Variants in PARVB observed in about 807,000 individuals in gnomAD.
PARVB encodes beta-parvin.
Under a neutral mutation model 47.0 loss-of-function variants are expected in PARVB, and 46 were observed. The observed-to-expected ratio is 0.98, with a 90% CI of 0.77 to 1.25. The LOEUF (loss-of-function observed/expected upper bound fraction) is 1.25. Ranked by LOEUF, PARVB falls within the 50% of genes most tolerant of loss-of-function variation. PARVB has a pLI of 0.00. For missense variants in PARVB, 473 were observed against 471.6 expected (o/e 1.00, Z -0.03); for synonymous variants, 196 against 196.3 (o/e 1.00, Z 0.01).
chr22:44,154,829 G>A (rs1323164453), intron 10 of PARVB, among the ~76,000 whole-genome samples: 1 of 146,844 alleles, frequency 6.8e-6, no homozygotes, highest in Admixed American at 6.8e-5. Context: ...TCTGTGTGGT[G>A]TGTGTTGTGT....
chr22:44,095,647 G>T (rs949178579), intron 2 of PARVB, among the ~76,000 whole-genome samples: 1 of 152,246 alleles, frequency 6.6e-6, no homozygotes, highest in Non-Finnish European at 1.5e-5. Flanking sequence ...ACTGCCTGAT[G>T]TAATGGGTAA....
chr22:44,081,981 A>G (rs1263412286), intron 1 of PARVB, among the ~76,000 whole-genome samples: 1 of 152,240 alleles, frequency 6.6e-6, no homozygotes, highest in Non-Finnish European at 1.5e-5. Flanking sequence ...TCTGAAAATC[A>G]CAGAGGCAGA....
intron 1 of PARVB, among the ~76,000 whole-genome samples, chr22:44,078,520 T>C (rs1471737746): frequency 6.6e-6 from 1 of 152,180 alleles, no homozygotes; most frequent in East Asian, 1.9e-4. Flanking sequence ...CTGCTTCCTC[T>C]TGTAAGGACC....
intron 5 of PARVB, among the ~76,000 whole-genome samples, chr22:44,132,290 C>A (rs951869751): frequency 4.6e-5 from 7 of 152,216 alleles, no homozygotes; most frequent in Non-Finnish European, 1.0e-4. Context: ...CAGACCCAGG[C>A]TGTCTCGTGG....
chr22:44,148,926 T>C (rs1210343596), intron 9 of PARVB: 1 of 152,214 alleles, frequency 6.6e-6, no homozygotes, highest in East Asian at 1.9e-4. Flanking sequence ...CCTAGCACTC[T>C]TGGGTGGTGA....
At chr22:44,160,979 C>T (rs1254419041) in intron 11 of PARVB, among the ~76,000 whole-genome samples, 1 of 152,190 alleles carries the variant, frequency 6.6e-6, no homozygotes, top group African/African-American at 2.4e-5. Flanking sequence ...ACGGGAGAGG[C>T]ACGTGAAAAG....
At chr22:44,084,739 C>A (rs2051985869) in intron 1 of PARVB, among the ~76,000 whole-genome samples, 1 of 152,210 alleles carries the variant, frequency 6.6e-6, no homozygotes, top group Non-Finnish European at 1.5e-5. Flanking sequence ...TCACTGTGTC[C>A]CCCGAGGCAG....
At chr22:44,025,975 C>G (rs905590752) in intron 1 of PARVB, among the ~76,000 whole-genome samples, 3 of 152,142 alleles carry the variant, frequency 2.0e-5, no homozygotes, top group African/African-American at 7.2e-5. Context: ...ATGACGTGCC[C>G]CGGAGCACAT....
upstream of PARVB, among the ~76,000 whole-genome samples, chr22:44,023,537 C>CAAAACAAAACT (rs1416034853): frequency 6.1e-4 from 78 of 127,394 alleles, 3 homozygotes; most frequent in African/African-American, 2.2e-3. Flanking sequence ...TAAAACAAAA[C>CAAAACAAAACT]AAAATAAAAT....
chr22:44,129,773 GT>G (rs1194836031), intron 4 of PARVB, among the ~76,000 whole-genome samples: 1 of 152,154 alleles, frequency 6.6e-6, no homozygotes, highest in Non-Finnish European at 1.5e-5. Context: ...GGGCTGCTTT[GT>G]TTTTTCTCTT....
At chr22:44,058,860 G>A (rs1453420651) in intron 1 of PARVB, among the ~76,000 whole-genome samples, 1 of 151,758 alleles carries the variant, frequency 6.6e-6, no homozygotes, top group Non-Finnish European at 1.5e-5. Context: ...CATCGGACGT[G>A]GATTTTGGAT....
At chr22:44,069,385 G>C (rs2051603479) in intron 1 of PARVB, among the ~76,000 whole-genome samples, 6 of 152,184 alleles carry the variant, frequency 3.9e-5, no homozygotes, top group Admixed American at 3.9e-4. Context: ...CTGACTTGTG[G>C]AGTGAAATTT....
At chr22:44,065,008 A>G (rs2051491293) in intron 1 of PARVB, among the ~76,000 whole-genome samples, 1 of 152,204 alleles carries the variant, frequency 6.6e-6, no homozygotes, top group Admixed American at 6.5e-5. Flanking sequence ...TGAAGAAAGG[A>G]AAGTGTCATT....
chr22:44,119,150 C>T lies in PARVB; in HGVS notation c.376+10C>T, dbSNP rs780484524. Reference sequence around the variant, plus strand: ...CTGCAGAAGCTCTTGGGTGAGTTCACAGCAGGGACAGCTCTGTCCCACCCC... The same window carrying T: ...CTGCAGAAGCTCTTGGGTGAGTTCATAGCAGGGACAGCTCTGTCCCACCCC... On this transcript the variant is annotated intron_variant, in intron 4 of 12. Coordinates refer to ENST00000338758, the MANE Select transcript of PARVB (RefSeq NM_013327.5). 7 of 1,577,686 alleles carry T rather than the reference C, an allele frequency of 4.4e-6. No individual in the cohort carries two copies. The highest frequency in any genetic ancestry group is 6.1e-6 in the Non-Finnish European group (7 of 1,147,098).
At chr22:44,110,890 G>A (rs1051480818) in intron 3 of PARVB, 1 of 152,196 alleles carries the variant, frequency 6.6e-6, no homozygotes, top group Non-Finnish European at 1.5e-5. Flanking sequence ...GTGAGCCATT[G>A]CGCCCGGCCT....
At chr22:44,082,478 C>T (rs2051925768) in intron 1 of PARVB, among the ~76,000 whole-genome samples, 1 of 152,118 alleles carries the variant, frequency 6.6e-6, no homozygotes, top group Non-Finnish European at 1.5e-5. Flanking sequence ...AAGATCGAGC[C>T]ACTGCACTCC....
intron 6 of PARVB, among the ~76,000 whole-genome samples, chr22:44,133,757 G>A (rs971810670): frequency 3.3e-5 from 5 of 152,054 alleles, no homozygotes; most frequent in Non-Finnish European, 7.3e-5. Context: ...AGCTGGTCTC[G>A]AAGTCCTGGG....
At chr22:44,053,036 C>A (rs1268066802) in intron 1 of PARVB, among the ~76,000 whole-genome samples, 1 of 151,952 alleles carries the variant, frequency 6.6e-6, no homozygotes, top group Non-Finnish European at 1.5e-5. Context: ...ATGGTTTAAA[C>A]CAACAATTTA....
chr22:44,107,372 G>C (rs2052590875), intron 3 of PARVB: 1 of 152,202 alleles, frequency 6.6e-6, no homozygotes, highest in Non-Finnish European at 1.5e-5. Context: ...TTTCCAGAAT[G>C]AATAGCCAAG....
Sources: gnomAD v4.1 joint callset for allele counts (sites outside exome capture counted in the v4.1 genomes callset) on GRCh38, gnomAD v4.1.1 for gene constraint, MANE v1.5 for transcripts, NCBI Gene and HGNC (gene_info 2026-07-23, HGNC 2026-07-21) for gene names.